Variants in KCNIP4 observed in about 807,000 individuals in gnomAD.
The protein encoded by KCNIP4 is Kv channel-interacting protein 4.
Under a neutral mutation model 34.0 loss-of-function variants are expected in KCNIP4, and 12 were observed. The ratio of observed to expected loss-of-function variants is 0.35; its 90% CI spans 0.23 to 0.57. KCNIP4 has a LOEUF of 0.57. KCNIP4 is among the 20% of genes least tolerant of loss of function. The pLI is 0.83. For synonymous variants in KCNIP4, 124 were observed against 102.2 expected, an observed-to-expected ratio of 1.21 and a Z score of -1.29; for missense variants, 238 against 311.7, an observed-to-expected ratio of 0.76 and a Z score of 1.78.
At chr4:21,444,422 C>T (rs555485364) in intron 1 of KCNIP4, among the ~76,000 whole-genome samples, 1 of 152,292 alleles carries the variant, frequency 6.6e-6, no homozygotes, top group South Asian at 2.1e-4. Flanking sequence ...AAAAGCTTAT[C>T]CACCATGATC....
chr4:21,805,250 G>A (rs1721223131), intron 1 of KCNIP4, among the ~76,000 whole-genome samples: 1 of 152,166 alleles, frequency 6.6e-6, no homozygotes, highest in African/African-American at 2.4e-5. Context: ...CCATCTAGAT[G>A]TATTGATATG....
chr4:21,284,222 A>G (rs1429642080), intron 1 of KCNIP4, among the ~76,000 whole-genome samples: 2 of 152,168 alleles, frequency 1.3e-5, no homozygotes, highest in Non-Finnish European at 2.9e-5. Context: ...CAAAAAAAAA[A>G]AAAAGAAAAG....
At chr4:21,324,869 T>A (rs1262114861) in intron 1 of KCNIP4, among the ~76,000 whole-genome samples, 1 of 151,998 alleles carries the variant, frequency 6.6e-6, no homozygotes, top group African/African-American at 2.4e-5. Flanking sequence ...ATTTTAATAA[T>A]ATTGTTTTTT....
intron 1 of KCNIP4, among the ~76,000 whole-genome samples, chr4:21,033,737 G>T (rs1394338540): frequency 5.3e-5 from 8 of 152,128 alleles, no homozygotes; most frequent in Non-Finnish European, 1.5e-5. Context: ...TCTATAAAAA[G>T]AAGAATTTTG....
chr4:21,429,439 TAC>T (rs1333762378), intron 1 of KCNIP4, among the ~76,000 whole-genome samples: 2 of 150,346 alleles, frequency 1.3e-5, no homozygotes, highest in African/African-American at 4.9e-5. Context: ...AAAGCTGCCA[TAC>T]ACACTCACTA....
chr4:21,425,577 G>T (rs1002566779), intron 1 of KCNIP4, among the ~76,000 whole-genome samples: 1 of 152,006 alleles, frequency 6.6e-6, no homozygotes, highest in South Asian at 2.1e-4. Flanking sequence ...AAGATATTTT[G>T]TATATTCAAA....
chr4:21,522,390 T>G (rs905671120), intron 1 of KCNIP4, among the ~76,000 whole-genome samples: 7 of 152,070 alleles, frequency 4.6e-5, no homozygotes, highest in African/African-American at 1.7e-4. Context: ...TTTTTTTTTC[T>G]TCTAGAGACA....
chr4:21,625,272 A>G lies in KCNIP4; in HGVS notation c.61+323299T>C, dbSNP rs368680858. 1.7e-3 allele frequency among the ~76,000 whole-genome samples: 263 copies of G among 152,230 alleles called. 10 individuals are homozygous for G. The South Asian group carries it at 0.048, about 28-fold the overall frequency. On this transcript the variant is annotated intron_variant, in intron 1 of 8. Coordinates refer to ENST00000382152, the MANE Select transcript of KCNIP4 (RefSeq NM_025221.6). ...AGATAACAATTGTATTTACCTCCATAGGGTATGCTGAATGTTAAATATGTT... is the reference window on the plus strand; with the variant it reads ...AGATAACAATTGTATTTACCTCCATGGGGTATGCTGAATGTTAAATATGTT...
chr4:21,224,938 G>A (rs925116110), intron 1 of KCNIP4, among the ~76,000 whole-genome samples: 1 of 152,000 alleles, frequency 6.6e-6, no homozygotes, highest in African/African-American at 2.4e-5. Context: ...TTGAGGTAAT[G>A]TACAGTATTC....
chr4:21,591,389 G>A (rs1382546749), intron 1 of KCNIP4, among the ~76,000 whole-genome samples: 2 of 151,894 alleles, frequency 1.3e-5, no homozygotes, highest in Admixed American at 6.6e-5. Context: ...AAAGCCACTG[G>A]CTATCCTGTG....
Position 21,298,116 on chromosome 4 carries a change from A to G in KCNIP4, c.62-415407T>C, listed in dbSNP as rs563050402. Among the ~76,000 whole-genome samples the G allele has an allele frequency of 2.1e-4, 32 of 152,268 alleles. 2 individuals carry two copies. In the South Asian group the frequency reaches 6.6e-3, roughly 32 times the overall value. On this transcript the variant is annotated intron_variant, in intron 1 of 8. Transcript: ENST00000382152. Reference sequence around the variant, plus strand: ...TCAGTCTTGCATGATTGAGATGATAATTCCAAGGCGAGGCATATGCAACAC... The same window carrying G: ...TCAGTCTTGCATGATTGAGATGATAGTTCCAAGGCGAGGCATATGCAACAC...
intron 1 of KCNIP4, among the ~76,000 whole-genome samples, chr4:21,670,058 T>C (rs1365972754): frequency 2.6e-5 from 4 of 152,190 alleles, no homozygotes. Flanking sequence ...GGAATATTTG[T>C]TAGTTTTTTA....
intron 8 of KCNIP4, chr4:20,731,379 A>G (rs569284686): frequency 2.0e-6 from 2 of 985,054 alleles, no homozygotes; most frequent in South Asian, 9.4e-5. Context: ...AGGCCTTAAC[A>G]ATTTTTAACT....
chr4:21,209,444 A>G (rs1757080081), intron 1 of KCNIP4, among the ~76,000 whole-genome samples: 1 of 151,976 alleles, frequency 6.6e-6, no homozygotes, highest in African/African-American at 2.4e-5. Context: ...CCTTTGTTCT[A>G]CTTTTTATTC....
intron 1 of KCNIP4, among the ~76,000 whole-genome samples, chr4:21,347,709 T>A (rs541902660): frequency 1.3e-5 from 2 of 152,338 alleles, no homozygotes; most frequent in South Asian, 2.1e-4. Flanking sequence ...TGGCACATTA[T>A]TTTTATCAGC....
intron 1 of KCNIP4, among the ~76,000 whole-genome samples, chr4:21,921,222 C>G (rs1403172648): frequency 6.6e-6 from 1 of 152,064 alleles, no homozygotes; most frequent in African/African-American, 2.4e-5. Flanking sequence ...TCCATGACAT[C>G]ACACTCCTTT....
intron 1 of KCNIP4, among the ~76,000 whole-genome samples, chr4:20,945,238 G>C (rs1011964965): frequency 1.3e-5 from 2 of 152,174 alleles, no homozygotes; most frequent in African/African-American, 4.8e-5. Flanking sequence ...GGTGACTTGT[G>C]AACACACTGA....
intron 1 of KCNIP4, among the ~76,000 whole-genome samples, chr4:21,085,078 T>C (rs1200612560): frequency 6.6e-6 from 1 of 152,128 alleles, no homozygotes; most frequent in Non-Finnish European, 1.5e-5. Flanking sequence ...TCAATGTTTG[T>C]GCCCCACCCC....
intron 1 of KCNIP4, among the ~76,000 whole-genome samples, chr4:21,581,324 T>C (rs1741181549): frequency 6.6e-6 from 1 of 152,006 alleles, no homozygotes; most frequent in African/African-American, 2.4e-5. Flanking sequence ...CCATGGCCTC[T>C]TCTGAAACAT....
Sources: allele counts gnomAD v4.1 joint callset (sites outside exome capture counted in the v4.1 genomes callset), GRCh38; gene constraint gnomAD v4.1.1; transcripts MANE v1.5; gene names NCBI Gene and HGNC (gene_info 2026-07-23, HGNC 2026-07-21).